Variants in FMO3 observed in about 807,000 individuals in gnomAD.
The protein encoded by FMO3 is flavin-containing monooxygenase 3.
In FMO3, 40 loss-of-function variants were observed where a neutral mutation model predicts 39.4. The observed-to-expected ratio is 1.02, with a 90% CI of 0.79 to 1.32. The LOEUF is 1.32. FMO3 is among the 40% of genes most tolerant of loss of function. The pLI, the probability that FMO3 is intolerant of heterozygous loss-of-function variation, is 0.00. For missense variants in FMO3, 680 were observed against 651.8 expected (o/e 1.04, Z -0.47); for synonymous variants, 219 against 228.8 (o/e 0.96, Z 0.39).
intron 2 of FMO3, among the ~76,000 whole-genome samples, chr1:171,096,044 A>C (rs1387916519): frequency 1.8e-5 from 1 of 56,120 alleles, no homozygotes; most frequent in African/African-American, 1.1e-4. Context: ...TATATATTAT[A>C]TATAAATATA....
rs1266533483 is a variant in FMO3, at chr1:171,108,089, C to G, written c.495C>G (p.His165Gln). 2.5e-6 allele frequency: 4 copies of G among 1,613,836 alleles called. No homozygotes were observed. The highest frequency in any genetic ancestry group is 3.4e-6 in the Non-Finnish European group (4 of 1,179,838). The change falls in exon 5 of 9, where the codon CAC becomes CAG. Residue 165 changes from histidine to glutamine, a missense_variant. Coordinates refer to ENST00000367755, the MANE Select transcript of FMO3 (RefSeq NM_001002294.3). ...LPKESFPGLNHFKGKCFHSRD... is the reference protein window; with the variant it reads ...LPKESFPGLNQFKGKCFHSRD... ...TCACTTTTCACTCAGGACTAAACCA[C>G]TTTAAAGGCAAATGCTTCCACAGCA...
At chr1:171,099,297 T>C (rs1655248212) in intron 2 of FMO3, among the ~76,000 whole-genome samples, 2 of 152,192 alleles carry the variant, frequency 1.3e-5, no homozygotes, top group Non-Finnish European at 2.9e-5. Context: ...TTACATTTGC[T>C]GAGGAGTGCT....
intron 2 of FMO3, among the ~76,000 whole-genome samples, chr1:171,096,178 A>T (rs1239470479): frequency 9.3e-5 from 7 of 75,464 alleles, no homozygotes; most frequent in South Asian, 9.4e-4. Flanking sequence ...AATTATATAT[A>T]ATATATTAAT....
intron 2 of FMO3, among the ~76,000 whole-genome samples, chr1:171,095,790 A>T (rs1271295506): frequency 5.4e-5 from 7 of 130,108 alleles, no homozygotes; most frequent in African/African-American, 1.7e-4. Context: ...TATTAAATAT[A>T]TAAAAAATAT....
rs1296283119 is a variant in FMO3 at position 171,096,665 on chromosome 1, T to TA, written c.132+3876dup. Among the ~76,000 whole-genome samples, 513 of 94,042 alleles carry TA rather than the reference T, an allele frequency of 5.5e-3. 18 individuals are homozygous for TA. Among genetic ancestry groups the TA allele is most frequent in the African/African-American group, 0.019 (492 of 26,348 alleles). The allele number at this position is 94,042 out of a possible 152,430, so 61.7% of individuals were successfully genotyped here. A position where few individuals can be genotyped will look rare whatever the true frequency, so the allele number is the denominator to read the frequency against. ...TACATAATATATTTTATATTTAAAA[T>TA]ATATATTTTATATTTAAAATATAAT... On this transcript the variant is annotated intron_variant, in intron 2 of 8. Coordinates refer to ENST00000367755, the MANE Select transcript of FMO3 (RefSeq NM_001002294.3).
intron 1 of FMO3, among the ~76,000 whole-genome samples, chr1:171,092,412 G>A (rs1456383433): frequency 1.3e-5 from 2 of 151,758 alleles, no homozygotes; most frequent in African/African-American, 4.8e-5. Flanking sequence ...GTTTTGTTTT[G>A]TGGAGACAGG....
At chr1:171,115,693 A>G (rs1038395385) in intron 7 of FMO3, among the ~76,000 whole-genome samples, 1 of 152,194 alleles carries the variant, frequency 6.6e-6, no homozygotes, top group African/African-American at 2.4e-5. Flanking sequence ...GGCAGCCCCA[A>G]GTCAGATCTA....
chr1:171,101,249 G>A (rs1281708011), intron 2 of FMO3: 10 of 455,938 alleles, frequency 2.2e-5, no homozygotes, highest in Non-Finnish European at 3.1e-5. Flanking sequence ...AGTGATTCCC[G>A]ACTGCTGACT....
intron 1 of FMO3, among the ~76,000 whole-genome samples, chr1:171,092,423 G>A (rs1178919193): frequency 6.6e-6 from 1 of 151,926 alleles, no homozygotes; most frequent in African/African-American, 2.4e-5. Context: ...TGGAGACAGG[G>A]TCTCACTCTG....
intron 2 of FMO3, among the ~76,000 whole-genome samples, chr1:171,096,084 T>C (rs1452915912): frequency 1.3e-5 from 1 of 79,724 alleles, no homozygotes; most frequent in African/African-American, 5.4e-5. Context: ...ATATATAATA[T>C]ATATTAATAT....
chr1:171,110,952 A>G lies in FMO3; in HGVS notation c.782A>G (p.Asn261Ser). The G allele has an allele frequency of 6.2e-7, 1 of 1,613,996 alleles. No individual in the cohort carries two copies. The highest frequency in any genetic ancestry group is 8.5e-7 in the Non-Finnish European group (1 of 1,179,908). ...ISDWLYVKQM[N>S]ARFKHENYGL... The stretch of plus-strand genomic sequence containing the variant: ...GACTGGTTGTACGTGAAGCAGATGA[A>G]TGCAAGATTCAAGCATGAAAACTAT... The change falls in exon 6 of 9, where the codon AAT (asparagine) becomes AGT (serine). Residue 261 changes from asparagine (N) to serine (S), a missense_variant. By Grantham distance (46) the Asn-to-Ser change is conservative. Coordinates refer to ENST00000367755, the MANE Select transcript of FMO3 (RefSeq NM_001002294.3).
chr1:171,109,075 A>G (rs1006689587), intron 5 of FMO3, among the ~76,000 whole-genome samples: 2 of 152,238 alleles, frequency 1.3e-5, no homozygotes, highest in Non-Finnish European at 2.9e-5. Flanking sequence ...TGTATGATGC[A>G]TTATGGTACT....
intron 2 of FMO3, among the ~76,000 whole-genome samples, chr1:171,093,827 CTTTTTTTTTT>C (rs1228257104): frequency 2.7e-5 from 2 of 75,290 alleles, no homozygotes; most frequent in Admixed American, 3.8e-4. Context: ...TCACTAATAT[CTTTTTTTTTT>C]TTTTTTTTTT....
intron 5 of FMO3, among the ~76,000 whole-genome samples, chr1:171,109,947 C>A (rs944159761): frequency 6.6e-6 from 1 of 152,106 alleles, no homozygotes; most frequent in African/African-American, 2.4e-5. Flanking sequence ...GAAAACTACA[C>A]TATTATGGAT....
Position 171,114,322 on chromosome 1 carries a change from A to G in FMO3, c.1143A>G (p.Thr381=). ...FVQSLGAAIP[T]VDLQSRWAAQ... is the part of the protein sequence containing the mutation. ...AGTCCCTTGGGGCTGCCATTCCCAC[A>G]GTTGACCTCCAGTCCCGCTGGGCAG... The change falls in exon 7 of 9, where the codon ACA becomes ACG. Residue 381 remains threonine (T), a synonymous_variant. Transcript: ENST00000367755. The G allele has an allele frequency of 6.2e-7, 1 of 1,613,924 alleles. No homozygotes were observed. The highest frequency in any genetic ancestry group is 8.5e-7 in the Non-Finnish European group (1 of 1,179,916).
At chr1:171,096,764 ATAAT>A (rs1007523692) in intron 2 of FMO3, among the ~76,000 whole-genome samples, 2 of 129,290 alleles carry the variant, frequency 1.5e-5, no homozygotes, top group Non-Finnish European at 3.2e-5. Context: ...TTAAAAATAT[ATAAT>A]TAATATAATT....
intron 2 of FMO3, among the ~76,000 whole-genome samples, chr1:171,093,767 T>C (rs1031976736): frequency 6.6e-6 from 1 of 151,724 alleles, no homozygotes; most frequent in Non-Finnish European, 1.5e-5. Flanking sequence ...CTCCATACTG[T>C]TTTCTATAGT....
At chr1:171,096,028 ATATAAT>A (rs1654983736) in intron 2 of FMO3, among the ~76,000 whole-genome samples, 7 of 55,342 alleles carry the variant, frequency 1.3e-4, no homozygotes, top group African/African-American at 5.1e-4. Context: ...ATATATTAAT[ATATAAT>A]ATATATTATA....
chr1:171,117,196 T>C lies in FMO3; in HGVS notation c.1353T>C (p.Phe451=). Residue 451 remains phenylalanine, a synonymous_variant, in exon 9 of 9, where the codon TTT becomes TTC. Transcript: ENST00000367755. ...IGAKPNIPWL[F]LTDPKLAMEV... is the part of the protein sequence containing the mutation. Reference sequence around the variant, plus strand: ...CAAAGCCCAACATCCCATGGCTGTTTCTCACAGATCCCAAATTGGCCATGG... The same window carrying C: ...CAAAGCCCAACATCCCATGGCTGTTCCTCACAGATCCCAAATTGGCCATGG... 1 of 1,614,182 alleles carries C rather than the reference T, an allele frequency of 6.2e-7. No individual in the cohort carries two copies. Among genetic ancestry groups the C allele is most frequent in the East Asian group, 2.2e-5 (1 of 44,878 alleles).
Sources: gnomAD v4.1 joint callset for allele counts (sites outside exome capture counted in the v4.1 genomes callset) on GRCh38, gnomAD v4.1.1 for gene constraint, MANE v1.5 for transcripts, NCBI Gene and HGNC (gene_info 2026-07-23, HGNC 2026-07-21) for gene names.